The following BTG4 variants were observed in gnomAD, a reference collection of about 807,000 sequenced individuals.
The protein encoded by BTG4 is protein BTG4.
BTG4 carries 10 observed loss-of-function variants against 19.3 expected under a neutral mutation model. The observed-to-expected ratio is 0.52, with a 90% CI of 0.32 to 0.88. BTG4 has a LOEUF of 0.88. Ranked by LOEUF, BTG4 falls within the 40% of genes least tolerant of loss-of-function variation. The pLI is 0.04. For synonymous variants in BTG4, 91 were observed against 95.7 expected (o/e 0.95, Z 0.29); for missense variants, 238 against 281.9 (o/e 0.84, Z 1.11).
At chr11:111,462,417 G>C in the BTG4 span, 4 of 152,454 alleles carry the variant, frequency 2.6e-5, no homozygotes, top group Non-Finnish European at 4.4e-5. Context: ...GCCCAGAGCG[G>C]GGCCTGCTCT....
At chr11:111,446,669 C>G in the BTG4 span, among the ~76,000 whole-genome samples, 1 of 150,824 alleles carries the variant, frequency 6.6e-6, no homozygotes, top group Non-Finnish European at 1.5e-5. Context: ...TCCCCTGCAA[C>G]AGCATTTCCT....
the BTG4 span, among the ~76,000 whole-genome samples, chr11:111,420,778 A>G: frequency 6.6e-6 from 1 of 152,252 alleles, no homozygotes; most frequent in Non-Finnish European, 1.5e-5. Flanking sequence ...CATTATGCTG[A>G]GTGGTTGACA....
chr11:111,461,091 C>A, the BTG4 span, among the ~76,000 whole-genome samples: 1 of 152,176 alleles, frequency 6.6e-6, no homozygotes, highest in Non-Finnish European at 1.5e-5. Flanking sequence ...GCAGAGGAAG[C>A]CCCGTCAGGA....
At chr11:111,418,273 C>T in the BTG4 span, 2 of 152,164 alleles carry the variant, frequency 1.3e-5, no homozygotes, top group South Asian at 2.1e-4. Context: ...GAGAGCCATT[C>T]GCCCAACACA....
At chr11:111,391,196 C>T in the BTG4 span, among the ~76,000 whole-genome samples, 11 of 152,132 alleles carry the variant, frequency 7.2e-5, no homozygotes, top group East Asian at 3.9e-4. Flanking sequence ...ACTATGTTAA[C>T]GGCAGTCATC....
the BTG4 span, among the ~76,000 whole-genome samples, chr11:111,440,098 T>A: frequency 6.6e-6 from 1 of 152,184 alleles, no homozygotes; most frequent in African/African-American, 2.4e-5. Flanking sequence ...ATCTGGGATC[T>A]AAGATGGTTT....
intron 1 of BTG4, among the ~76,000 whole-genome samples, chr11:111,511,825 C>T (rs899285316): frequency 6.6e-6 from 1 of 152,216 alleles, no homozygotes; most frequent in African/African-American, 2.4e-5. Flanking sequence ...CCTCTGGGAA[C>T]CTTCTTTGAC....
At chr11:111,493,445 G>T (rs1330067893), downstream of BTG4, among the ~76,000 whole-genome samples, 1 of 152,176 alleles carries the variant, frequency 6.6e-6, no homozygotes, top group African/African-American at 2.4e-5. Flanking sequence ...TAACTTGATG[G>T]TTAAGGATTA....
At chr11:111,500,315 T>G (rs755142120) in intron 1 of BTG4, among the ~76,000 whole-genome samples, 16 of 152,178 alleles carry the variant, frequency 1.1e-4, no homozygotes, top group Non-Finnish European at 2.4e-4. Flanking sequence ...CGTTAAGTCT[T>G]TAACGCTCAG....
At chr11:111,476,677 C>A (rs1226464208) in intron 5 of BTG4, among the ~76,000 whole-genome samples, 2 of 152,096 alleles carry the variant, frequency 1.3e-5, no homozygotes, top group Non-Finnish European at 1.5e-5. Flanking sequence ...TGATTGAAAT[C>A]GTGCTTTCAT....
At chr11:111,388,166 A>G in the BTG4 span, among the ~76,000 whole-genome samples, 1 of 152,210 alleles carries the variant, frequency 6.6e-6, no homozygotes. Context: ...AAGTCCCACA[A>G]GAATTCCTAG....
At chr11:111,408,114 C>T in the BTG4 span, among the ~76,000 whole-genome samples, 1 of 152,210 alleles carries the variant, frequency 6.6e-6, no homozygotes, top group Non-Finnish European at 1.5e-5. Context: ...CTTCCCTGTC[C>T]TAAGCCTCCA....
chr11:111,427,573 A>G, the BTG4 span, among the ~76,000 whole-genome samples: 56,218 of 152,126 alleles, frequency 0.37, 10,433 homozygotes, highest in Middle Eastern at 0.47. Flanking sequence ...GGCTGGCAGA[A>G]AGCCCATCAG....
At chr11:111,513,667 TG>T (rs1227429233), upstream of BTG4, among the ~76,000 whole-genome samples, 2 of 152,182 alleles carry the variant, frequency 1.3e-5, no homozygotes, top group Non-Finnish European at 2.9e-5. Context: ...ATGTATGTAA[TG>T]TGTATGTATG....
chr11:111,502,524 G>T (rs547432602), intron 1 of BTG4, among the ~76,000 whole-genome samples: 83 of 152,272 alleles, frequency 5.5e-4, no homozygotes, highest in African/African-American at 1.9e-3. Flanking sequence ...CTTTTGCAAA[G>T]ATTATTTTTT....
intron 5 of BTG4, among the ~76,000 whole-genome samples, chr11:111,484,427 C>T (rs1279069437): frequency 6.6e-6 from 1 of 152,078 alleles, no homozygotes; most frequent in Non-Finnish European, 1.5e-5. Context: ...ATTACAACTA[C>T]ATTTTAATAG....
intron 1 of BTG4, among the ~76,000 whole-genome samples, chr11:111,508,699 T>C (rs1866632537): frequency 6.6e-6 from 1 of 151,080 alleles, no homozygotes; most frequent in Admixed American, 6.6e-5. Flanking sequence ...TTTGTATTAG[T>C]CATCAGGATT....
chr11:111,474,536 A>G (rs181021024), intron 5 of BTG4, among the ~76,000 whole-genome samples: 5 of 152,280 alleles, frequency 3.3e-5, no homozygotes. Flanking sequence ...GCTATAAACT[A>G]TCCCACTGTG....
chr11:111,442,630 C>A, the BTG4 span, among the ~76,000 whole-genome samples: 1 of 151,254 alleles, frequency 6.6e-6, no homozygotes, highest in Non-Finnish European at 1.5e-5. Flanking sequence ...AACCCACAAT[C>A]ATGAGGTATG....
Sources: gnomAD v4.1 joint callset for allele counts (sites outside exome capture counted in the v4.1 genomes callset) on GRCh38, gnomAD v4.1.1 for gene constraint, MANE v1.5 for transcripts, NCBI Gene and HGNC (gene_info 2026-07-23, HGNC 2026-07-21) for gene names.